The following DNAJC10 variants were observed in gnomAD, a reference collection of about 807,000 sequenced individuals.
DNAJC10 encodes endoplasmic reticulum disulfide reductase DNAJC10.
DNAJC10 carries 101 observed loss-of-function variants against 115.0 expected under a neutral mutation model. That is an observed-to-expected ratio of 0.88 (90% confidence interval 0.75 to 1.04). The LOEUF (loss-of-function observed/expected upper bound fraction) is 1.04. Ranked by LOEUF, DNAJC10 falls within the 50% of genes least tolerant of loss-of-function variation. DNAJC10 has a pLI of 0.00. For missense variants in DNAJC10, 981 were observed against 928.8 expected, an observed-to-expected ratio of 1.06 and a Z score of -0.73; for synonymous variants, 307 against 301.5, an observed-to-expected ratio of 1.02 and a Z score of -0.19.
At position 182,782,602 on chromosome 2, in the gene DNAJC10, G is replaced by A. The variant is rs2105721984; in HGVS notation, c.*5470G>A. 1 of 152,266 alleles carries A rather than the reference G, an allele frequency of 6.6e-6. No individual in the cohort carries two copies. The highest frequency in any genetic ancestry group is 1.9e-4 in the East Asian group (1 of 5,186). The allele number at this position is 152,266 out of a possible 1,614,324, so 9.4% of individuals were successfully genotyped here. A position where few individuals can be genotyped will look rare whatever the true frequency, so the allele number is the denominator to read the frequency against. On this transcript the variant is annotated 3_prime_UTR_variant, in exon 24 of 24. Coordinates refer to ENST00000264065, the MANE Select transcript of DNAJC10 (RefSeq NM_018981.4). ...CTGTCCTCTCTCATTTCCTTGAGCA[G>A]TGGTTTGTAGTTCTTGAAGAGGTCC...
intron 22 of DNAJC10, among the ~76,000 whole-genome samples, chr2:182,771,981 A>G (rs1322453229): frequency 6.6e-6 from 1 of 152,206 alleles, no homozygotes; most frequent in African/African-American, 2.4e-5. Context: ...CCCTCTAAAC[A>G]CTGCTTTAGC....
In DNAJC10 at chr2:182,784,634, AAAT is replaced by A. The variant is rs1475573660; in HGVS notation, c.*7506_*7508del. Reference sequence around the variant, plus strand: ...CATTGTTTTATGCCTTAAAAATTATAAATAATGATAAGTTTAATTTGCAGCCCT... The same window carrying A: ...CATTGTTTTATGCCTTAAAAATTATAAATGATAAGTTTAATTTGCAGCCCT... On this transcript the variant is annotated 3_prime_UTR_variant, in exon 24 of 24. Coordinates refer to ENST00000264065, the MANE Select transcript of DNAJC10 (RefSeq NM_018981.4). 1 of 152,224 alleles carries A rather than the reference AAAT, an allele frequency of 6.6e-6. No homozygotes were observed. Among genetic ancestry groups the A allele is most frequent in the Non-Finnish European group, 1.5e-5 (1 of 68,044 alleles). The allele number at this position is 152,224 out of a possible 1,614,324, so 9.4% of individuals were successfully genotyped here. A position where few individuals can be genotyped will look rare whatever the true frequency, so the allele number is the denominator to read the frequency against.
chr2:182,721,017 AAAT>A (rs1261665372), intron 4 of DNAJC10, among the ~76,000 whole-genome samples: 6 of 152,046 alleles, frequency 3.9e-5, no homozygotes, highest in Non-Finnish European at 7.4e-5. Flanking sequence ...ATGGAGGAAA[AAAT>A]AAGGTGGAAG....
At chr2:182,761,355 G>A (rs1334447999) in intron 21 of DNAJC10, among the ~76,000 whole-genome samples, 1 of 152,110 alleles carries the variant, frequency 6.6e-6, no homozygotes, top group African/African-American at 2.4e-5. Context: ...AGACACTTAC[G>A]AAATTAACAT....
At chr2:182,727,928 G>A (rs970936138) in intron 5 of DNAJC10, among the ~76,000 whole-genome samples, 3 of 152,098 alleles carry the variant, frequency 2.0e-5, no homozygotes, top group East Asian at 1.9e-4. Flanking sequence ...GATATTATAT[G>A]TTGTTCAAAT....
In DNAJC10 at chr2:182,720,179, T is replaced by TA; in HGVS notation, c.367+11dup. The TA allele has an allele frequency of 6.3e-7, 1 of 1,594,428 alleles. No homozygotes were observed. Among genetic ancestry groups the TA allele is most frequent in the Non-Finnish European group, 8.5e-7 (1 of 1,170,902 alleles). ...TATCGTTATGATTTTGGTAAGGTGA[T>TA]ACGATATTACTTATGAAATGTGTTT... On this transcript the variant is annotated intron_variant, in intron 4 of 23. Coordinates refer to ENST00000264065, the MANE Select transcript of DNAJC10 (RefSeq NM_018981.4).
Position 182,728,559 on chromosome 2 carries a change from A to G in DNAJC10, c.419-17A>G. 3 of 1,572,436 alleles carry G rather than the reference A, an allele frequency of 1.9e-6. No individual in the cohort carries two copies. Among genetic ancestry groups the G allele is most frequent in the Non-Finnish European group, 2.6e-6 (3 of 1,145,616 alleles). The stretch of plus-strand genomic sequence containing the variant: ...TAATAAATAATTCTAAGTTGTTTGC[A>G]TTTTATGTATTTTTAGATGCTGCTG... On this transcript the variant is annotated splice_polypyrimidine_tract_variant and intron_variant, in intron 5 of 23. Transcript: ENST00000264065.
chr2:182,718,896 G>C (rs1215884097), intron 3 of DNAJC10, among the ~76,000 whole-genome samples: 2 of 151,572 alleles, frequency 1.3e-5, no homozygotes, highest in East Asian at 1.9e-4. Context: ...TTATTTCTTA[G>C]TGAGATTTAG....
rs564576720 is a variant in DNAJC10 at position 182,786,761 on chromosome 2, A to G, written c.*9629A>G. ...ATTTCACACCGATCTATGAAAAACT[A>G]TTTTTAGAGATTATTACTATGGTCC... is the stretch of plus-strand genomic sequence containing the variant. On this transcript the variant is annotated 3_prime_UTR_variant, in exon 24 of 24. Transcript: ENST00000264065. 3 of 152,312 alleles carry G rather than the reference A, an allele frequency of 2.0e-5. No homozygotes were observed. The highest frequency in any genetic ancestry group is 2.9e-5 in the Non-Finnish European group (2 of 68,042). 9.4% of individuals were successfully genotyped at this position (152,312 alleles called of 1,614,324 possible).
intron 6 of DNAJC10, 86 bp from the exon 7 acceptor site, chr2:182,728,777 C>G: frequency 6.6e-7 from 1 of 1,517,876 alleles, no homozygotes; most frequent in Non-Finnish European, 9.0e-7. Context: ...CTTTAAATGT[C>G]TGGTTTAAAA....
At chr2:182,746,636 T>G (rs1176577459) in intron 14 of DNAJC10, among the ~76,000 whole-genome samples, 1 of 152,240 alleles carries the variant, frequency 6.6e-6, no homozygotes, top group Non-Finnish European at 1.5e-5. Context: ...ATTAGCCCTT[T>G]CTCAGATGAG....
rs758565246 is a variant in DNAJC10, at chr2:182,736,356, T to G, written c.957T>G (p.Thr319=). ...STTAYFPPGA[T]LNNKEKNSIL... is the part of the protein sequence containing the mutation. ...CTGCTTATTTTCCTCCTGGAGCCAC[T>G]TTAAATAACAAAGAGAAAAACAGTA... Residue 319 remains threonine, a synonymous_variant, in exon 11 of 24, where the codon ACT becomes ACG. Coordinates refer to ENST00000264065, the MANE Select transcript of DNAJC10 (RefSeq NM_018981.4). The G allele has an allele frequency of 6.3e-7, 1 of 1,581,702 alleles. No individual in the cohort carries two copies. The highest frequency in any genetic ancestry group is 1.2e-5 in the South Asian group (1 of 84,790).
intron 14 of DNAJC10, among the ~76,000 whole-genome samples, chr2:182,749,640 C>T (rs1479806274): frequency 6.6e-6 from 1 of 151,910 alleles, no homozygotes; most frequent in East Asian, 1.9e-4. Context: ...TTAATTGGAG[C>T]ATTTAGTCCA....
At chr2:182,725,303 C>T (rs938125297) in intron 5 of DNAJC10, among the ~76,000 whole-genome samples, 12 of 152,132 alleles carry the variant, frequency 7.9e-5, no homozygotes, top group African/African-American at 2.9e-4. Flanking sequence ...CTACAGTGAC[C>T]TCTTAAGTGT....
In DNAJC10 at chr2:182,779,620, A is replaced by G. The variant is rs1285055076; in HGVS notation, c.*2488A>G. The G allele has an allele frequency of 1.3e-5, 2 of 152,196 alleles. No homozygotes were observed. Among genetic ancestry groups the G allele is most frequent in the South Asian group, 2.1e-4 (1 of 4,834 alleles). The allele number at this position is 152,196 out of a possible 1,614,324, so 9.4% of individuals were successfully genotyped here. On this transcript the variant is annotated 3_prime_UTR_variant, in exon 24 of 24. Transcript: ENST00000264065. ...TTTTGGGCATTAATGATGTTTGTCTATTCTGATTTCTCAAATTTTATTTAG... is the reference window on the plus strand; with the variant it reads ...TTTTGGGCATTAATGATGTTTGTCTGTTCTGATTTCTCAAATTTTATTTAG...
At chr2:182,773,228 A>T (rs1214352977) in intron 22 of DNAJC10, among the ~76,000 whole-genome samples, 2 of 152,096 alleles carry the variant, frequency 1.3e-5, no homozygotes, top group Non-Finnish European at 2.9e-5. Context: ...CTTCCCTTTG[A>T]GGGTAACTCG....
At chr2:182,744,899 T>C (rs1693823257) in intron 14 of DNAJC10, among the ~76,000 whole-genome samples, 1 of 152,198 alleles carries the variant, frequency 6.6e-6, no homozygotes, top group Non-Finnish European at 1.5e-5. Context: ...CTTTTTTATC[T>C]CTGAAATAGT....
At position 182,783,101 on chromosome 2, in the gene DNAJC10, G is replaced by A. The variant is rs1553497465; in HGVS notation, c.*5969G>A. 1 of 152,082 alleles carries A rather than the reference G, an allele frequency of 6.6e-6. No individual in the cohort carries two copies. The highest frequency in any genetic ancestry group is 1.5e-5 in the Non-Finnish European group (1 of 68,030). 9.4% of individuals were successfully genotyped at this position (152,082 alleles called of 1,614,324 possible). ...TTCCATCATATCTAGTTTTTTGAGT[G>A]TTTTTAGCATGAAAGGGTGTTAATT... On this transcript the variant is annotated 3_prime_UTR_variant, in exon 24 of 24. Transcript: ENST00000264065.
At chr2:182,766,345 T>G (rs138553135) in intron 22 of DNAJC10, among the ~76,000 whole-genome samples, 1 of 152,112 alleles carries the variant, frequency 6.6e-6, no homozygotes. Flanking sequence ...ATATGTATGA[T>G]GTAAAGAGGG....
Sources: gnomAD v4.1 joint callset for allele counts (sites outside exome capture counted in the v4.1 genomes callset) on GRCh38, gnomAD v4.1.1 for gene constraint, MANE v1.5 for transcripts, NCBI Gene and HGNC (gene_info 2026-07-23, HGNC 2026-07-21) for gene names.